Variants in TASP1 observed in about 807,000 individuals in gnomAD.
The protein encoded by TASP1 is threonine aspartase 1.
Under a neutral mutation model 56.6 loss-of-function variants are expected in TASP1, and 16 were observed. That is an observed-to-expected ratio of 0.28 (90% CI 0.19 to 0.43). The LOEUF (loss-of-function observed/expected upper bound fraction) is 0.43, where lower values mean the gene tolerates loss of function less well. Ranked by LOEUF, TASP1 falls within the 20% of genes least tolerant of loss-of-function variation. TASP1 has a pLI of 1.00. For missense variants in TASP1, 393 were observed against 511.6 expected (o/e 0.77, Z 2.24); for synonymous variants, 179 against 184.2 (o/e 0.97, Z 0.23).
At chr20:13,480,765 C>T (rs2043112811) in intron 11 of TASP1, among the ~76,000 whole-genome samples, 1 of 152,178 alleles carries the variant, frequency 6.6e-6, no homozygotes, top group South Asian at 2.1e-4. Context: ...GCCATAATTA[C>T]ACATCCATCA....
chr20:13,560,453 T>G (rs978635649), intron 7 of TASP1, among the ~76,000 whole-genome samples: 1 of 151,788 alleles, frequency 6.6e-6, no homozygotes, highest in African/African-American at 2.4e-5. Flanking sequence ...GAGTACAGAG[T>G]TTTATAGGAG....
chr20:13,605,313 T>A (rs989446672), intron 4 of TASP1, among the ~76,000 whole-genome samples: 1 of 152,202 alleles, frequency 6.6e-6, no homozygotes, highest in South Asian at 2.1e-4. Context: ...TTTACATTGA[T>A]CAATTTTGTT....
chr20:13,374,280 C>CGT, the TASP1 span, among the ~76,000 whole-genome samples: 41 of 151,616 alleles, frequency 2.7e-4, no homozygotes, highest in East Asian at 6.2e-3. Flanking sequence ...TGTGAGCATC[C>CGT]GTGTGTGTGT....
chr20:13,213,228 C>A, the TASP1 span, among the ~76,000 whole-genome samples: 1 of 151,730 alleles, frequency 6.6e-6, no homozygotes, highest in Admixed American at 6.6e-5. Flanking sequence ...TGGATTTTTT[C>A]TTTATTTCAC....
the TASP1 span, chr20:13,221,966 G>T: frequency 7.7e-7 from 1 of 1,297,728 alleles, no homozygotes; most frequent in Non-Finnish European, 9.7e-7. Context: ...CGGTTTGTGG[G>T]GCGGGGGTGC....
chr20:13,352,466 T>G, the TASP1 span, among the ~76,000 whole-genome samples: 4 of 144,182 alleles, frequency 2.8e-5, no homozygotes, highest in Admixed American at 2.8e-4. Flanking sequence ...AAAAAAAAAA[T>G]GCATTAACTT....
the TASP1 span, chr20:13,239,094 C>G: frequency 6.6e-6 from 1 of 152,236 alleles, no homozygotes. Context: ...TCCACATCAA[C>G]TAGAAAAAAA....
At chr20:13,290,082 G>T in the TASP1 span, among the ~76,000 whole-genome samples, 1 of 152,196 alleles carries the variant, frequency 6.6e-6, no homozygotes, top group Non-Finnish European at 1.5e-5. Context: ...AGAAAACAGG[G>T]CTGAAATGCA....
At chr20:13,241,257 A>G in the TASP1 span, among the ~76,000 whole-genome samples, 2 of 152,312 alleles carry the variant, frequency 1.3e-5, no homozygotes, top group South Asian at 4.2e-4. Flanking sequence ...GAAGGTGAGG[A>G]AATGGAGACA....
chr20:13,465,541 G>C (rs59299264), intron 11 of TASP1, among the ~76,000 whole-genome samples: 13,845 of 151,832 alleles, frequency 0.091, 1,194 homozygotes, highest in African/African-American at 0.23. Flanking sequence ...TTATAATACT[G>C]AAAATAAATT....
At chr20:13,477,558 A>C (rs2042988842) in intron 11 of TASP1, among the ~76,000 whole-genome samples, 1 of 152,160 alleles carries the variant, frequency 6.6e-6, no homozygotes, top group African/African-American at 2.4e-5. Context: ...CATACAGCCA[A>C]GGTTTGCATC....
At chr20:13,356,457 G>T in the TASP1 span, among the ~76,000 whole-genome samples, 1 of 152,220 alleles carries the variant, frequency 6.6e-6, no homozygotes, top group Non-Finnish European at 1.5e-5. Flanking sequence ...TCAAAACTAA[G>T]CCTAGCTCAA....
chr20:13,184,074 G>A, the TASP1 span, among the ~76,000 whole-genome samples: 1 of 151,488 alleles, frequency 6.6e-6, no homozygotes, highest in Non-Finnish European at 1.5e-5. Context: ...TAGTGTGGTA[G>A]TGTGGTACTG....
At chr20:13,476,358 C>T (rs997610590) in intron 11 of TASP1, among the ~76,000 whole-genome samples, 1 of 152,128 alleles carries the variant, frequency 6.6e-6, no homozygotes, top group South Asian at 2.1e-4. Context: ...ACATCTAGGA[C>T]TACCTTACAC....
At chr20:13,567,751 C>T (rs1348170311) in intron 7 of TASP1, among the ~76,000 whole-genome samples, 1 of 152,034 alleles carries the variant, frequency 6.6e-6, no homozygotes, top group Non-Finnish European at 1.5e-5. Flanking sequence ...TTTTCAGTCT[C>T]GTATGTACTG....
At chr20:13,289,034 C>T in the TASP1 span, among the ~76,000 whole-genome samples, 350 of 152,292 alleles carry the variant, frequency 2.3e-3, 2 homozygotes, top group African/African-American at 8.2e-3. Flanking sequence ...GATCCGCCCG[C>T]CTCAGCCTCC....
the TASP1 span, chr20:13,299,179 T>C: frequency 6.2e-7 from 1 of 1,607,574 alleles, no homozygotes; most frequent in South Asian, 1.1e-5. The surrounding 1 kb of genome is among the most constrained non-coding windows in gnomAD (Gnocchi z 5.8). Flanking sequence ...ATCCGCTCCA[T>C]GCTGTCCCTG....
chr20:13,303,062 A>G, the TASP1 span, among the ~76,000 whole-genome samples: 1 of 152,218 alleles, frequency 6.6e-6, no homozygotes, highest in Non-Finnish European at 1.5e-5. Flanking sequence ...TTACCACAGG[A>G]GACCGGCATT....
chr20:13,335,009 T>C, the TASP1 span, among the ~76,000 whole-genome samples: 9 of 152,140 alleles, frequency 5.9e-5, no homozygotes, highest in Admixed American at 1.3e-4. Context: ...GCAGGAGCTC[T>C]AAATTGCTCA....
Sources: allele counts gnomAD v4.1 joint callset (sites outside exome capture counted in the v4.1 genomes callset), GRCh38; gene constraint gnomAD v4.1.1; non-coding constraint Gnocchi (gnomAD v3.1); transcripts MANE v1.5; gene names NCBI Gene and HGNC (gene_info 2026-07-23, HGNC 2026-07-21).